The following FBXO46 variants were observed in gnomAD, a reference collection of about 807,000 sequenced individuals.
The protein encoded by FBXO46 is F-box protein 46, also known as F-box only protein 46.
A neutral mutation model predicts 30.7 loss-of-function variants in FBXO46; 13 were observed. The ratio of observed to expected loss-of-function variants is 0.42; its 90% CI spans 0.28 to 0.67. The LOEUF (loss-of-function observed/expected upper bound fraction) is 0.67. FBXO46 is among the 30% of genes least tolerant of loss of function. The pLI is 0.21. For synonymous variants in FBXO46, 467 were observed against 385.8 expected (o/e 1.21, Z -2.47); for missense variants, 754 against 871.5 (o/e 0.87, Z 1.70).
upstream of FBXO46, among the ~76,000 whole-genome samples, chr19:45,731,713 T>A (rs780736970): frequency 1.3e-5 from 2 of 152,020 alleles, no homozygotes; most frequent in South Asian, 4.1e-4. Flanking sequence ...CATCATAGAA[T>A]AGCAGCTCCA....
intron 1 of FBXO46, among the ~76,000 whole-genome samples, chr19:45,723,980 G>A (rs1293499845): frequency 1.3e-5 from 2 of 151,926 alleles, no homozygotes; most frequent in Non-Finnish European, 2.9e-5. Flanking sequence ...CATTAAACGT[G>A]GTAAAAAATA....
At chr19:45,721,527 C>A (rs754665782) in intron 1 of FBXO46, among the ~76,000 whole-genome samples, 1 of 149,218 alleles carries the variant, frequency 6.7e-6, no homozygotes, top group South Asian at 2.1e-4. Context: ...TGGCAGGACA[C>A]CAGGGTTTCG....
At chr19:45,726,924 A>G (rs1197401763) in intron 1 of FBXO46, among the ~76,000 whole-genome samples, 1 of 152,166 alleles carries the variant, frequency 6.6e-6, no homozygotes, top group African/African-American at 2.4e-5. Context: ...ACTCCTTACG[A>G]GAAGCTCAGA....
chr19:45,727,296 G>A (rs138178392), intron 1 of FBXO46, among the ~76,000 whole-genome samples: 60 of 151,854 alleles, frequency 4.0e-4, no homozygotes, highest in Middle Eastern at 6.9e-3. Context: ...AGTGGCTCAC[G>A]CCTGTAATCC....
At position 45,713,608 on chromosome 19, in the gene FBXO46, G is replaced by T. The variant is rs1244531406; in HGVS notation, c.-78-35C>A. 10 of 879,608 alleles carry T rather than the reference G, an allele frequency of 1.1e-5. No individual in the cohort carries two copies. Among genetic ancestry groups the T allele is most frequent in the African/African-American group, 1.7e-5 (1 of 58,772 alleles). 54.5% of individuals were successfully genotyped at this position (879,608 alleles called of 1,614,324 possible). On this transcript the variant is annotated intron_variant, in intron 1 of 1. Transcript: ENST00000317683. This position sits in a 1 kb window ranked among gnomAD's most constrained non-coding sequence, Gnocchi z 4.7. ...CGAAGAGGAGGTTGGGGAGCTAGGG[G>T]GACAGCCTTTCTTCCCAGGACCACC...
chr19:45,728,448 G>A (rs560636896), intron 1 of FBXO46, among the ~76,000 whole-genome samples: 1 of 152,298 alleles, frequency 6.6e-6, no homozygotes, highest in Admixed American at 6.5e-5. Flanking sequence ...GGCTCATAAA[G>A]TAAGTTCCAC....
chr19:45,729,903 A>G (rs780508169), intron 1 of FBXO46, among the ~76,000 whole-genome samples: 4 of 152,150 alleles, frequency 2.6e-5, no homozygotes, highest in Non-Finnish European at 5.9e-5. Context: ...ACTGGAAAGG[A>G]GGAAATCCAT....
chr19:45,721,051 CCAAA>C (rs1968163782), intron 1 of FBXO46, among the ~76,000 whole-genome samples: 1 of 146,722 alleles, frequency 6.8e-6, no homozygotes, highest in African/African-American at 2.5e-5. Context: ...ACAGAATAAA[CCAAA>C]CAAATAAGGA....
Position 45,712,454 on chromosome 19 carries a change from G to A in FBXO46, c.1042C>T (p.Pro348Ser). ...GCAGGGGGCGGAGGGGGCGCCGGGG[G>A]AGTGTCCTCAGGCCTGGCGGGTGCC... ...SPAPARPEDT[P>S]PAPPPPPARD... The change falls in exon 2 of 2, where the codon CCC (proline) becomes TCC (serine). Residue 348 changes from proline to serine, a missense_variant. Pro to Ser is a moderately conservative substitution (Grantham distance 74). Coordinates refer to ENST00000317683, the MANE Select transcript of FBXO46 (RefSeq NM_001080469.2). The surrounding 1 kb of genome is among the most constrained non-coding windows in gnomAD (Gnocchi z 8.8). 1 of 1,611,396 alleles carries A rather than the reference G, an allele frequency of 6.2e-7. No homozygotes were observed. The highest frequency in any genetic ancestry group is 1.1e-5 in the South Asian group (1 of 90,912).
Position 45,711,464 on chromosome 19 carries a change from C to A in FBXO46, c.*220G>T. On this transcript the variant is annotated 3_prime_UTR_variant, in exon 2 of 2. Transcript: ENST00000317683. ...TGATAAAAAAAAAAAAAACACCCTT[C>A]TCAGAGGGTCCACGGCCCTGGTTCT... 1 of 683,232 alleles carries A rather than the reference C, an allele frequency of 1.5e-6. No individual in the cohort carries two copies. The highest frequency in any genetic ancestry group is 2.7e-6 in the Non-Finnish European group (1 of 374,564). 42.3% of individuals were successfully genotyped at this position (683,232 alleles called of 1,614,324 possible).
Position 45,712,287 on chromosome 19 carries a change from C to T in FBXO46, c.1209G>A (p.Pro403=). 2 of 1,603,124 alleles carry T rather than the reference C, an allele frequency of 1.2e-6. No homozygotes were observed. Among genetic ancestry groups the T allele is most frequent in the Non-Finnish European group, 1.7e-6 (2 of 1,179,540 alleles). ...GGAGAAAGAAGAGCTGGCCCGGAGGCGGCGGTTCCTCCGGGCTGACCGTCA... is the reference window on the plus strand; with the variant it reads ...GGAGAAAGAAGAGCTGGCCCGGAGGTGGCGGTTCCTCCGGGCTGACCGTCA... ...VCLTVSPEEP[P]PPGQLFFLQN... The change falls in exon 2 of 2, where the codon CCG becomes CCA. Residue 403 remains proline (P), a synonymous_variant. Coordinates refer to ENST00000317683, the MANE Select transcript of FBXO46 (RefSeq NM_001080469.2). The surrounding 1 kb of genome is among the most constrained non-coding windows in gnomAD (Gnocchi z 8.8).
At position 45,717,557 on chromosome 19, in the gene FBXO46, T is replaced by G. The variant is rs112550101; in HGVS notation, c.-78-3984A>C. Among the ~76,000 whole-genome samples the G allele has an allele frequency of 2.9e-3, 449 of 152,208 alleles. 4 individuals are homozygous for G. The highest frequency in any genetic ancestry group is 9.6e-3 in the African/African-American group (399 of 41,544). On this transcript the variant is annotated intron_variant, in intron 1 of 1. Coordinates refer to ENST00000317683, the MANE Select transcript of FBXO46 (RefSeq NM_001080469.2). ...GGGTGGTGGGGTAGACACAGCCGGA[T>G]GCAAGGGAGCGTGGAACAACTCCCA...
rs1968037282 is a variant in FBXO46 at position 45,713,555 on chromosome 19, G to A, written c.-60C>T. 11 of 1,392,238 alleles carry A rather than the reference G, an allele frequency of 7.9e-6. No homozygotes were observed. The highest frequency in any genetic ancestry group is 7.1e-5 in the East Asian group (3 of 42,046). The allele number at this position is 1,392,238 out of a possible 1,614,324, so 86.2% of individuals were successfully genotyped here. A position where few individuals can be genotyped will look rare whatever the true frequency, so the allele number is the denominator to read the frequency against. The stretch of plus-strand genomic sequence containing the variant: ...CGCATCTCAGGACCTAGGTGGTGGT[G>A]GGAGGCTCCACATGCCACCTGGAGA... On this transcript the variant is annotated 5_prime_UTR_variant, in exon 2 of 2. Coordinates refer to ENST00000317683, the MANE Select transcript of FBXO46 (RefSeq NM_001080469.2). This position sits in a 1 kb window ranked among gnomAD's most constrained non-coding sequence, Gnocchi z 4.7.
intron 1 of FBXO46, chr19:45,717,031 C>G (rs1340029849): frequency 6.6e-6 from 1 of 152,234 alleles, no homozygotes; most frequent in African/African-American, 2.4e-5. Context: ...AACCCGATCC[C>G]GAAAACACAA....
At chr19:45,725,758 A>G (rs1968231211) in intron 1 of FBXO46, among the ~76,000 whole-genome samples, 1 of 152,132 alleles carries the variant, frequency 6.6e-6, no homozygotes, top group South Asian at 2.1e-4. Flanking sequence ...AAATGAATAA[A>G]TAAACACATG....
Position 45,729,605 on chromosome 19 carries a change from G to C in FBXO46, c.-79+1244C>G, listed in dbSNP as rs140165220. 7.4e-4 allele frequency among the ~76,000 whole-genome samples: 113 copies of C among 152,332 alleles called. No homozygotes were observed. In the East Asian group the frequency reaches 0.021, roughly 28 times the overall value. The stretch of plus-strand genomic sequence containing the variant: ...GATTCTGAGCCAGGCTGCCAAGATC[G>C]GAATCCTGAGTCTAGCAATTAATGC... On this transcript the variant is annotated intron_variant, in intron 1 of 1. Coordinates refer to ENST00000317683, the MANE Select transcript of FBXO46 (RefSeq NM_001080469.2).
At chr19:45,732,928 G>A (rs191686331), upstream of FBXO46, among the ~76,000 whole-genome samples, 143 of 151,614 alleles carry the variant, frequency 9.4e-4, no homozygotes, top group African/African-American at 3.1e-3. Context: ...CCGAGTTCCC[G>A]TCTCACCGGA....
At chr19:45,717,090 A>C (rs546008641) in intron 1 of FBXO46, 39 of 152,400 alleles carry the variant, frequency 2.6e-4, no homozygotes, top group Admixed American at 8.5e-4. Context: ...GTGCCCCTTA[A>C]GCGCGAGAGA....
chr19:45,729,035 G>A (rs1300947478), intron 1 of FBXO46, among the ~76,000 whole-genome samples: 3 of 151,980 alleles, frequency 2.0e-5, no homozygotes, highest in Non-Finnish European at 4.4e-5. Flanking sequence ...GCTTGAACCC[G>A]GGAGGCGGAG....
Sources: gnomAD v4.1 joint callset for allele counts (sites outside exome capture counted in the v4.1 genomes callset) on GRCh38, gnomAD v4.1.1 for gene constraint, Gnocchi (gnomAD v3.1) non-coding constraint, MANE v1.5 for transcripts, NCBI Gene and HGNC (gene_info 2026-07-23, HGNC 2026-07-21) for gene names.